The following RBFOX3 variants were observed in gnomAD, a reference collection of about 807,000 sequenced individuals.
RBFOX3 encodes the protein RNA binding fox-1 homolog 3.
RBFOX3 carries 17 observed loss-of-function variants against 48.7 expected under a neutral mutation model. The observed-to-expected ratio is 0.35, with a 90% confidence interval of 0.24 to 0.52. RBFOX3 has a LOEUF of 0.52. RBFOX3 is among the 20% of genes least tolerant of loss of function. The probability of loss-of-function intolerance (pLI) is 0.94; values close to 1 mark genes in which losing one functional copy is unlikely to be tolerated. For missense variants in RBFOX3, 382 were observed against 497.5 expected (o/e 0.77, Z 2.21); for synonymous variants, 212 against 209.5 (o/e 1.01, Z -0.10).
At chr17:79,146,375 C>T (rs1490957614) in intron 4 of RBFOX3, among the ~76,000 whole-genome samples, 1 of 152,224 alleles carries the variant, frequency 6.6e-6, no homozygotes, top group Non-Finnish European at 1.5e-5. Context: ...CAGGGGCCGG[C>T]AGGCCCCCGT....
chr17:79,090,923 C>CA (rs112100897), intron 14 of RBFOX3, 38 bp from the exon 15 acceptor site: 516,008 of 1,526,670 alleles, frequency 0.34, 89,147 homozygotes, highest in African/African-American at 0.48. Context: ...TGCAGCTTCT[C>CA]GGGGGAGGCA....
chr17:79,097,276 C>T lies in RBFOX3; in HGVS notation c.755+16G>A, dbSNP rs951953480. The T allele has an allele frequency of 1.8e-5, 28 of 1,532,996 alleles. No individual in the cohort carries two copies. Among genetic ancestry groups the T allele is most frequent in the Admixed American group, 1.4e-4 (7 of 50,030 alleles). The allele number at this position is 1,532,996 out of a possible 1,614,324, so 95.0% of individuals were successfully genotyped here. On this transcript the variant is annotated intron_variant, in intron 11 of 14. Transcript: ENST00000693108. ...CCTACCCCCTCCTCCACGCCTCCCC[C>T]GGCCCAGGTACTCACGCTCCGTAAG...
At chr17:79,644,932 G>T in the RBFOX3 span, among the ~76,000 whole-genome samples, 1 of 152,172 alleles carries the variant, frequency 6.6e-6, no homozygotes, top group African/African-American at 2.4e-5. Flanking sequence ...AATGTGGAAG[G>T]CTCAGAAAAT....
At chr17:79,455,760 A>G (rs2074362812) in intron 2 of RBFOX3, among the ~76,000 whole-genome samples, 1 of 151,694 alleles carries the variant, frequency 6.6e-6, no homozygotes, top group Non-Finnish European at 1.5e-5. Flanking sequence ...CCACACTCAC[A>G]CTCATCCACA....
chr17:79,139,385 G>C (rs1329299275), intron 4 of RBFOX3, among the ~76,000 whole-genome samples: 1 of 152,232 alleles, frequency 6.6e-6, no homozygotes, highest in Non-Finnish European at 1.5e-5. Context: ...GACCTGCCCA[G>C]CCGCATCTTG....
In RBFOX3 at chr17:79,089,542, A is replaced by G. The variant is rs2073537414; in HGVS notation, c.*1341T>C. On this transcript the variant is annotated 3_prime_UTR_variant, in exon 15 of 15. Transcript: ENST00000693108. ...CAGCAGAGGGGACAGGGGGCTCTGTACAGAGGACAAAGCCGGAGGCAGGGC... is the reference window on the plus strand; with the variant it reads ...CAGCAGAGGGGACAGGGGGCTCTGTGCAGAGGACAAAGCCGGAGGCAGGGC... 6.5e-6 allele frequency: 1 copy of G among 152,720 alleles called. No individual in the cohort carries two copies. The allele number at this position is 152,720 out of a possible 1,614,324, so 9.5% of individuals were successfully genotyped here. A position where few individuals can be genotyped will look rare whatever the true frequency, so the allele number is the denominator to read the frequency against.
At chr17:79,557,089 A>G (rs1014685873) in intron 1 of RBFOX3, among the ~76,000 whole-genome samples, 7 of 152,068 alleles carry the variant, frequency 4.6e-5, no homozygotes, top group African/African-American at 1.2e-4. Context: ...ACCAAAAAAT[A>G]TAAAAATTAG....
chr17:79,103,023 C>T lies in RBFOX3; in HGVS notation c.507+139G>A, dbSNP rs2076731419. The stretch of plus-strand genomic sequence containing the variant: ...GCAGCTGAGCACCCTGGCCTTAGTG[C>T]GACCCTTCCTCCCACCCCAGGGAAC... On this transcript the variant is annotated intron_variant, in intron 8 of 14. Transcript: ENST00000693108. The surrounding 1 kb of genome is among the most constrained non-coding windows in gnomAD (Gnocchi z 6.1). 5 of 658,152 alleles carry T rather than the reference C, an allele frequency of 7.6e-6. No homozygotes were observed. Among genetic ancestry groups the T allele is most frequent in the South Asian group, 3.6e-5 (2 of 56,188 alleles). 40.8% of individuals were successfully genotyped at this position (658,152 alleles called of 1,614,324 possible). A position where few individuals can be genotyped will look rare whatever the true frequency, so the allele number is the denominator to read the frequency against.
At chr17:79,532,254 C>T (rs2087917569) in intron 1 of RBFOX3, among the ~76,000 whole-genome samples, 1 of 152,104 alleles carries the variant, frequency 6.6e-6, no homozygotes. Flanking sequence ...ACACGTTATC[C>T]CCTGCAGCTC....
intron 5 of RBFOX3, among the ~76,000 whole-genome samples, chr17:79,114,627 G>A (rs377679884): frequency 2.6e-5 from 4 of 152,368 alleles, no homozygotes; most frequent in East Asian, 3.9e-4. Context: ...GGGAGCCGCC[G>A]GGGCGGTGCC....
At chr17:79,560,669 A>T (rs973870820) in intron 1 of RBFOX3, among the ~76,000 whole-genome samples, 2 of 151,800 alleles carry the variant, frequency 1.3e-5, no homozygotes, top group Non-Finnish European at 2.9e-5. Flanking sequence ...CAGCAACCTC[A>T]CCTCACCACA....
Position 79,145,663 on chromosome 17 carries a change from G to A in RBFOX3, c.-33-29915C>T, listed in dbSNP as rs571838613. On this transcript the variant is annotated intron_variant, in intron 4 of 14. Transcript: ENST00000693108. ...GCAGCAGGGAGGAAATGGGGCATTC[G>A]CCGCTCTGTGGTTGTGTTTTTTCTG... 9.2e-5 allele frequency among the ~76,000 whole-genome samples: 14 copies of A among 152,318 alleles called. No homozygotes were observed. The South Asian group carries it at 1.9e-3, about 20-fold the overall frequency.
chr17:79,662,132 C>CTTTTTTTTTTTTTTTTTTTTTTTTTT, the RBFOX3 span, among the ~76,000 whole-genome samples: 14 of 96,854 alleles, frequency 1.4e-4, 3 homozygotes, highest in African/African-American at 2.3e-4. Flanking sequence ...CCTGTTTATT[C>CTTTTTTTTTTTTTTTTTTTTTTTTTT]TTTTTTTTTT....
intron 4 of RBFOX3, among the ~76,000 whole-genome samples, chr17:79,144,382 C>G (rs971000289): frequency 2.0e-5 from 3 of 150,544 alleles, no homozygotes; most frequent in African/African-American, 7.3e-5. Context: ...ACGCCTACCA[C>G]AGAGGCGTCA....
intron 2 of RBFOX3, among the ~76,000 whole-genome samples, chr17:79,438,248 T>C (rs2070007683): frequency 6.6e-6 from 1 of 152,202 alleles, no homozygotes; most frequent in East Asian, 1.9e-4. Flanking sequence ...GCTCAGGTCC[T>C]AACCCTGCAG....
chr17:79,175,930 C>T (rs920316735), intron 4 of RBFOX3, among the ~76,000 whole-genome samples: 5 of 152,222 alleles, frequency 3.3e-5, no homozygotes, highest in Non-Finnish European at 5.9e-5. Flanking sequence ...TCTCTCTGAC[C>T]ACCTGGGGGC....
intron 4 of RBFOX3, among the ~76,000 whole-genome samples, chr17:79,139,112 CCA>C (rs1026539215): frequency 6.6e-6 from 1 of 151,590 alleles, no homozygotes; most frequent in Non-Finnish European, 1.5e-5. Context: ...CCACTCTCAC[CCA>C]CACACGCACA....
At chr17:79,119,603 C>A (rs1186396952) in intron 4 of RBFOX3, among the ~76,000 whole-genome samples, 1 of 152,190 alleles carries the variant, frequency 6.6e-6, no homozygotes, top group East Asian at 1.9e-4. Context: ...CCCCTCTTAG[C>A]CACCAGGTGG....
chr17:79,648,419 A>C, the RBFOX3 span, among the ~76,000 whole-genome samples: 1 of 152,216 alleles, frequency 6.6e-6, no homozygotes, highest in Non-Finnish European at 1.5e-5. Flanking sequence ...CTGGGTTTGC[A>C]TCCTGCTCTC....
Sources: allele counts gnomAD v4.1 joint callset (sites outside exome capture counted in the v4.1 genomes callset), GRCh38; gene constraint gnomAD v4.1.1; non-coding constraint Gnocchi (gnomAD v3.1); transcripts MANE v1.5; gene names NCBI Gene and HGNC (gene_info 2026-07-23, HGNC 2026-07-21).